The following B3GALT1 variants were observed in gnomAD, a reference collection of about 807,000 sequenced individuals.
The protein encoded by B3GALT1 is UDP-Gal:betaGlcNAc beta 1,3-galactosyltransferase, polypeptide 1.
A neutral mutation model predicts 23.2 loss-of-function variants in B3GALT1; 10 were observed. The ratio of observed to expected loss-of-function variants is 0.43; its 90% CI spans 0.27 to 0.73. B3GALT1 has a LOEUF of 0.73. Ranked by LOEUF, B3GALT1 falls within the 30% of genes least tolerant of loss-of-function variation. B3GALT1 has a pLI of 0.21. For missense variants in B3GALT1, 299 were observed against 405.4 expected (o/e 0.74, Z 2.25); for synonymous variants, 156 against 141.5 (o/e 1.10, Z -0.73).
intron 3 of B3GALT1, among the ~76,000 whole-genome samples, chr2:167,685,806 C>A (rs181314753): frequency 3.5e-4 from 53 of 152,310 alleles, no homozygotes; most frequent in African/African-American, 1.3e-3. Context: ...GCTCTTTTAT[C>A]TACTTTTTTC....
At chr2:167,596,460 C>T (rs10188508) in intron 2 of B3GALT1, among the ~76,000 whole-genome samples, 1,713 of 152,300 alleles carry the variant, frequency 0.011, 32 homozygotes, top group African/African-American at 0.039. Context: ...CAGGTACCTA[C>T]ATTCCAAGTC....
chr2:167,708,024 A>G (rs1459937277), intron 3 of B3GALT1, among the ~76,000 whole-genome samples: 2 of 152,136 alleles, frequency 1.3e-5, no homozygotes, highest in Non-Finnish European at 2.9e-5. Flanking sequence ...GATGACTTAC[A>G]TTGTTCCCAG....
chr2:167,773,237 A>T (rs550730058), intron 3 of B3GALT1, among the ~76,000 whole-genome samples: 1 of 152,322 alleles, frequency 6.6e-6, no homozygotes. Context: ...GCAATCTTTG[A>T]TATTATATGT....
At chr2:167,667,944 AG>A (rs1686236116) in intron 3 of B3GALT1, among the ~76,000 whole-genome samples, 1 of 152,198 alleles carries the variant, frequency 6.6e-6, no homozygotes, top group Admixed American at 6.5e-5. Context: ...TTCTTCTCTC[AG>A]CTTGTCAAAG....
At chr2:167,435,424 A>G (rs1698766956) in intron 1 of B3GALT1, among the ~76,000 whole-genome samples, 1 of 130,520 alleles carries the variant, frequency 7.7e-6, no homozygotes, top group Non-Finnish European at 1.6e-5. Flanking sequence ...CTTTAGAAAC[A>G]TATGCTTGCA....
chr2:167,642,773 C>T (rs965417849), intron 2 of B3GALT1, among the ~76,000 whole-genome samples: 1 of 152,084 alleles, frequency 6.6e-6, no homozygotes, highest in African/African-American at 2.4e-5. Flanking sequence ...CTGTCTCCCT[C>T]TTCAGGAGTG....
chr2:167,818,644 T>C (rs1372225656), intron 3 of B3GALT1, among the ~76,000 whole-genome samples, 28 bp from the exon 4 acceptor site: 1 of 152,226 alleles, frequency 6.6e-6, no homozygotes, highest in Admixed American at 6.5e-5. Context: ...TATTTCTAAA[T>C]TTTTCTCTCT....
intron 2 of B3GALT1, among the ~76,000 whole-genome samples, chr2:167,491,367 A>G (rs574300858): frequency 2.0e-5 from 3 of 152,290 alleles, no homozygotes; most frequent in African/African-American, 4.8e-5. Flanking sequence ...AACCAGGGGT[A>G]TCACCATAAA....
intron 1 of B3GALT1, among the ~76,000 whole-genome samples, chr2:167,356,496 T>C (rs1523882): frequency 0.81 from 122,907 of 152,036 alleles, 51,479 homozygotes; most frequent in East Asian, 0.92. Flanking sequence ...TATTCTAATT[T>C]TGAATTTCTG....
intron 3 of B3GALT1, among the ~76,000 whole-genome samples, chr2:167,707,086 C>T (rs943851604): frequency 1.6e-4 from 24 of 152,176 alleles, no homozygotes; most frequent in African/African-American, 5.8e-4. Flanking sequence ...GCCCACAGCC[C>T]CAGCTGAGCT....
chr2:167,772,635 T>G (rs938921300), intron 3 of B3GALT1, among the ~76,000 whole-genome samples: 2 of 152,346 alleles, frequency 1.3e-5, no homozygotes, highest in Non-Finnish European at 2.9e-5. Context: ...TTTTTAGATA[T>G]GCAGCACAAG....
intron 2 of B3GALT1, among the ~76,000 whole-genome samples, chr2:167,642,922 A>G (rs757759957): frequency 6.6e-6 from 1 of 152,208 alleles, no homozygotes; most frequent in Non-Finnish European, 1.5e-5. Flanking sequence ...TGTAAAATGT[A>G]TAAAAATGTA....
chr2:167,847,771 A>C (rs541061193), intron 4 of B3GALT1, among the ~76,000 whole-genome samples: 2 of 152,298 alleles, frequency 1.3e-5, no homozygotes, highest in African/African-American at 4.8e-5. Context: ...TGAAACAAAC[A>C]AACAAAAAAT....
chr2:167,868,524 G>A (rs1690278924), intron 4 of B3GALT1, among the ~76,000 whole-genome samples: 2 of 151,842 alleles, frequency 1.3e-5, no homozygotes, highest in Non-Finnish European at 2.9e-5. Flanking sequence ...ATGTGAAGAG[G>A]GGGAATTCTT....
intron 3 of B3GALT1, among the ~76,000 whole-genome samples, chr2:167,722,160 T>C (rs1243720652): frequency 6.6e-6 from 1 of 152,226 alleles, no homozygotes; most frequent in Non-Finnish European, 1.5e-5. Flanking sequence ...AATCTTTGTA[T>C]AATGATCATA....
At chr2:167,804,520 T>C (rs573181489) in intron 3 of B3GALT1, among the ~76,000 whole-genome samples, 1 of 151,858 alleles carries the variant, frequency 6.6e-6, no homozygotes, top group Admixed American at 6.6e-5. Context: ...ATGTTCCCCT[T>C]CCTGTGTCCA....
At chr2:167,392,894 G>A (rs554812021) in intron 1 of B3GALT1, among the ~76,000 whole-genome samples, 3 of 152,036 alleles carry the variant, frequency 2.0e-5, no homozygotes, top group East Asian at 1.9e-4. Context: ...CCTCTAGAAC[G>A]AACACTTGTG....
chr2:167,831,681 A>G (rs1574287723), intron 4 of B3GALT1, among the ~76,000 whole-genome samples: 1 of 152,226 alleles, frequency 6.6e-6, no homozygotes, highest in Non-Finnish European at 1.5e-5. Flanking sequence ...CAGTCATCTC[A>G]TGAAATCTGT....
At chr2:167,392,360 GCCTGT>G (rs1698026536) in intron 1 of B3GALT1, among the ~76,000 whole-genome samples, 1 of 151,954 alleles carries the variant, frequency 6.6e-6, no homozygotes. Context: ...CTACTTCTCA[GCCTGT>G]TGATTTGGTT....
Sources: allele counts gnomAD v4.1 joint callset (sites outside exome capture counted in the v4.1 genomes callset), GRCh38; gene constraint gnomAD v4.1.1; transcripts MANE v1.5; gene names NCBI Gene and HGNC (gene_info 2026-07-23, HGNC 2026-07-21).